The following GALNT17 variants were observed in gnomAD, a reference collection of about 807,000 sequenced individuals.
GALNT17 encodes UDP-GalNAc:polypeptide N-acetylgalactosaminyltransferase-like 3.
A neutral mutation model predicts 63.7 loss-of-function variants in GALNT17; 29 were observed. The ratio of observed to expected loss-of-function variants is 0.46; its 90% CI spans 0.34 to 0.62. The LOEUF is 0.62. Among genes scored for constraint, GALNT17 ranks in the 20% least tolerant of loss-of-function variants. GALNT17 has a pLI of 0.01. For missense variants in GALNT17, 603 were observed against 799.6 expected, an observed-to-expected ratio of 0.75 and a Z score of 2.97; for synonymous variants, 305 against 318.3, an observed-to-expected ratio of 0.96 and a Z score of 0.45.
chr7:71,519,729 G>T (rs1296618816), intron 5 of GALNT17, among the ~76,000 whole-genome samples: 1 of 152,134 alleles, frequency 6.6e-6, no homozygotes, highest in Non-Finnish European at 1.5e-5. Flanking sequence ...CTCCCAAAGT[G>T]CTGGGATTAC....
intron 5 of GALNT17, among the ~76,000 whole-genome samples, chr7:71,541,864 G>A (rs183635460): frequency 3.8e-4 from 58 of 152,260 alleles, no homozygotes; most frequent in East Asian, 9.6e-4. Context: ...CTTGCACATC[G>A]TGTCTTTCTG....
intron 2 of GALNT17, among the ~76,000 whole-genome samples, chr7:71,370,195 C>G (rs1292960837): frequency 2.0e-5 from 3 of 152,250 alleles, no homozygotes. Flanking sequence ...CTGGAGCTAA[C>G]TCAGTTTCCA....
At chr7:71,516,581 A>G (rs953684678) in intron 5 of GALNT17, among the ~76,000 whole-genome samples, 1 of 152,136 alleles carries the variant, frequency 6.6e-6, no homozygotes, top group Non-Finnish European at 1.5e-5. Flanking sequence ...TTCAGAATGC[A>G]GGAGGGGTGC....
intron 9 of GALNT17, among the ~76,000 whole-genome samples, chr7:71,677,800 C>G (rs1038302820): frequency 6.6e-6 from 1 of 152,164 alleles, no homozygotes; most frequent in East Asian, 1.9e-4. Context: ...CAGGCGTGAG[C>G]CACCGTGCCC....
chr7:71,172,893 G>A (rs1332181078), intron 1 of GALNT17, among the ~76,000 whole-genome samples: 1 of 152,194 alleles, frequency 6.6e-6, no homozygotes, highest in Non-Finnish European at 1.5e-5. Context: ...TCCCAAAGGA[G>A]AGAAGAGAGA....
chr7:71,620,621 G>T (rs1016900929), intron 6 of GALNT17, among the ~76,000 whole-genome samples: 4 of 152,178 alleles, frequency 2.6e-5, no homozygotes, highest in Non-Finnish European at 4.4e-5. Context: ...ATGCATAACG[G>T]ATATACATAG....
intron 1 of GALNT17, among the ~76,000 whole-genome samples, chr7:71,139,066 C>G (rs1787838639): frequency 6.6e-6 from 1 of 152,220 alleles, no homozygotes; most frequent in Non-Finnish European, 1.5e-5. Flanking sequence ...GGCTTTCTAT[C>G]ATGTTTCTGT....
Position 71,175,225 on chromosome 7 carries a change from ACTGT to A in GALNT17, c.238+42191_238+42194del, listed in dbSNP as rs1218432972. Among the ~76,000 whole-genome samples the A allele has an allele frequency of 2.0e-4, 30 of 150,420 alleles. 2 individuals carry two copies. Among genetic ancestry groups the A allele is most frequent in the Admixed American group, 1.3e-3 (19 of 15,156 alleles). On this transcript the variant is annotated intron_variant, in intron 1 of 10. Coordinates refer to ENST00000333538, the MANE Select transcript of GALNT17 (RefSeq NM_022479.3). Reference sequence around the variant, plus strand: ...CCCTCCATCCATCCATCCCTCCATCACTGTCTGTCCACACTTCCATCCATCTGTC... The same window carrying A: ...CCCTCCATCCATCCATCCCTCCATCACTGTCCACACTTCCATCCATCTGTC...
At chr7:71,412,284 C>T (rs980644754) in intron 3 of GALNT17, among the ~76,000 whole-genome samples, 1 of 152,142 alleles carries the variant, frequency 6.6e-6, no homozygotes, top group African/African-American at 2.4e-5. Context: ...CTTCCTGCCT[C>T]CTAAATACAT....
intron 1 of GALNT17, among the ~76,000 whole-genome samples, chr7:71,267,379 T>C (rs1583814323): frequency 6.6e-6 from 1 of 152,112 alleles, no homozygotes; most frequent in Non-Finnish European, 1.5e-5. Flanking sequence ...TTTTTTTTTT[T>C]TTTTCTTCTA....
At chr7:71,293,075 T>C (rs1214866535) in intron 1 of GALNT17, among the ~76,000 whole-genome samples, 1 of 152,210 alleles carries the variant, frequency 6.6e-6, no homozygotes, top group Non-Finnish European at 1.5e-5. Context: ...TGTGTGTGTG[T>C]ATACACACCC....
In GALNT17 at chr7:71,457,331, C is replaced by T. The variant is rs554694712; in HGVS notation, c.962+36226C>T. Among the ~76,000 whole-genome samples the T allele has an allele frequency of 3.9e-5, 6 of 152,232 alleles. No individual in the cohort carries two copies. In the South Asian group the frequency reaches 1.0e-3, roughly 26 times the overall value. On this transcript the variant is annotated intron_variant, in intron 5 of 10. Coordinates refer to ENST00000333538, the MANE Select transcript of GALNT17 (RefSeq NM_022479.3). The stretch of plus-strand genomic sequence containing the variant: ...CAGGTTTGCCTGATGTAGTTCCCAG[C>T]GTGACTTTTCCCTTGGCTTTGTGAT...
At chr7:71,464,746 T>G (rs1487129830) in intron 5 of GALNT17, among the ~76,000 whole-genome samples, 2 of 152,176 alleles carry the variant, frequency 1.3e-5, no homozygotes, top group African/African-American at 4.8e-5. Context: ...ACCTTGGTGC[T>G]CTGGGGCTGA....
At chr7:71,296,615 A>G (rs1791083899) in intron 1 of GALNT17, among the ~76,000 whole-genome samples, 1 of 118,512 alleles carries the variant, frequency 8.4e-6, no homozygotes, top group African/African-American at 3.1e-5. Context: ...GACTCCATCT[A>G]AAAAAAAAAA....
At chr7:71,221,159 A>C (rs1235129920) in intron 1 of GALNT17, among the ~76,000 whole-genome samples, 3 of 152,016 alleles carry the variant, frequency 2.0e-5, no homozygotes, top group African/African-American at 7.2e-5. Flanking sequence ...TGGAGCCCCT[A>C]GTGGGAGGTA....
chr7:71,690,246 G>A (rs563126054), intron 9 of GALNT17, among the ~76,000 whole-genome samples: 3 of 151,852 alleles, frequency 2.0e-5, no homozygotes, highest in Admixed American at 1.3e-4. Context: ...GGATGGTCTC[G>A]ATCTCTTGAC....
intron 1 of GALNT17, among the ~76,000 whole-genome samples, chr7:71,317,119 G>T (rs543101791): frequency 6.6e-6 from 1 of 152,254 alleles, no homozygotes; most frequent in East Asian, 1.9e-4. Context: ...AGACAGGGCC[G>T]TATGTTTCTT....
intron 5 of GALNT17, among the ~76,000 whole-genome samples, chr7:71,480,155 CTTTTTTTTTTTTTTT>C (rs67257902): frequency 1.5e-5 from 1 of 65,352 alleles, no homozygotes; most frequent in Admixed American, 2.2e-4. Flanking sequence ...TTTTTGGAGT[CTTTTTTTTTTTTTTT>C]TTTTTTTTTT....
chr7:71,376,713 A>T (rs2116298961), intron 2 of GALNT17, among the ~76,000 whole-genome samples: 1 of 151,970 alleles, frequency 6.6e-6, no homozygotes, highest in East Asian at 2.0e-4. Context: ...GCACTTTGGG[A>T]GGCCCAGGCA....
Sources: gnomAD v4.1 joint callset for allele counts (sites outside exome capture counted in the v4.1 genomes callset) on GRCh38, gnomAD v4.1.1 for gene constraint, MANE v1.5 for transcripts, NCBI Gene and HGNC (gene_info 2026-07-23, HGNC 2026-07-21) for gene names.